DEDD2: variants seen among roughly 807,000 people sequenced by gnomAD.
DEDD2 encodes DNA-binding death effector domain-containing protein 2.
In DEDD2, 18 loss-of-function variants were observed where a neutral mutation model predicts 28.9. The observed-to-expected ratio is 0.62, with a 90% CI of 0.43 to 0.92. The LOEUF (loss-of-function observed/expected upper bound fraction) is 0.92, where lower values mean the gene tolerates loss of function less well. Ranked by LOEUF, DEDD2 falls within the 40% of genes least tolerant of loss-of-function variation. The probability of loss-of-function intolerance (pLI) is 0.00; values close to 1 mark genes in which losing one functional copy is unlikely to be tolerated. For synonymous variants in DEDD2, 211 were observed against 206.1 expected (o/e 1.02, Z -0.20); for missense variants, 411 against 463.3 (o/e 0.89, Z 1.04).
At chr19:42,209,898 T>C in intron 3 of DEDD2, 58 bp from the exon 4 acceptor site, 1 of 1,468,140 alleles carries the variant, frequency 6.8e-7, no homozygotes, top group Non-Finnish European at 9.0e-7. Context: ...AGTGCCCAGG[T>C]GTATGCCTGG....
At position 42,199,195 on chromosome 19, in the gene DEDD2, C is replaced by T; in HGVS notation, c.*243G>A. 1.7e-6 allele frequency: 1 copy of T among 583,122 alleles called. No individual in the cohort carries two copies. The highest frequency in any genetic ancestry group is 3.4e-5 in the Admixed American group (1 of 29,104). The allele number at this position is 583,122 out of a possible 1,614,324, so 36.1% of individuals were successfully genotyped here. ...TCTGAGATACAGGCCCAGCCCCCGC[C>T]TCCGGAGGCTAAGGGGGCACACCTG... On this transcript the variant is annotated 3_prime_UTR_variant, in exon 5 of 5. Transcript: ENST00000596251. This position sits in a 1 kb window ranked among gnomAD's most constrained non-coding sequence, Gnocchi z 7.4.
chr19:42,208,625 C>G (rs1386590365), intron 4 of DEDD2, among the ~76,000 whole-genome samples: 1 of 152,246 alleles, frequency 6.6e-6, no homozygotes, highest in Non-Finnish European at 1.5e-5. Context: ...ACTGTCATCC[C>G]TGCCGTGGCC....
intron 4 of DEDD2, among the ~76,000 whole-genome samples, chr19:42,202,454 G>C (rs776342304): frequency 1.3e-5 from 2 of 152,144 alleles, no homozygotes; most frequent in Admixed American, 6.5e-5. Context: ...TCCTCTCTCA[G>C]CTCGTCCTTC....
intron 3 of DEDD2, among the ~76,000 whole-genome samples, 197 bp downstream of exon 3, chr19:42,214,936 C>T (rs1251986332): frequency 6.6e-6 from 1 of 151,742 alleles, no homozygotes; most frequent in African/African-American, 2.4e-5. Context: ...GCCATTTAAA[C>T]GAAACACGAA....
At chr19:42,213,677 G>GA (rs971571078) in intron 3 of DEDD2, among the ~76,000 whole-genome samples, 2 of 151,888 alleles carry the variant, frequency 1.3e-5, no homozygotes, top group African/African-American at 4.8e-5. Context: ...ACTCCATCAG[G>GA]AAAAAAACAG....
chr19:42,213,772 G>T (rs1380095143), intron 3 of DEDD2, among the ~76,000 whole-genome samples: 1 of 151,966 alleles, frequency 6.6e-6, no homozygotes, highest in African/African-American at 2.4e-5. Flanking sequence ...AAAGAAAAAG[G>T]TATGGGGTGT....
At position 42,216,983 on chromosome 19, in the gene DEDD2, C is replaced by T. The variant is rs7257170; in HGVS notation, c.25G>A (p.Ala9Thr). 1.3e-6 allele frequency: 2 copies of T among 1,595,158 alleles called. No individual in the cohort carries two copies. The highest frequency in any genetic ancestry group is 8.5e-7 in the Non-Finnish European group (1 of 1,171,496). ...CACTCATCCTCCTCCCAGCACGGGG[C>T]CGGGGTCGACCCGGATAGCGCCATT... Reference protein sequence around the residue: MALSGSTPAPCWEEDECLD... With the variant: MALSGSTPTPCWEEDECLD... The change falls in exon 2 of 5, where the codon GCC becomes ACC. Residue 9 changes from alanine to threonine, a missense_variant. Around this residue, in one of 2 missense-constraint regions of DEDD2, gnomAD observed 282 missense variants for 273.4 expected, o/e 1.03. Transcript: ENST00000596251.
chr19:42,209,884 C>A (rs753624506), intron 3 of DEDD2, 44 bp from the exon 4 acceptor site: 15 of 1,487,928 alleles, frequency 1.0e-5, no homozygotes, highest in Non-Finnish European at 1.3e-5. Flanking sequence ...AGGATGACAG[C>A]TAGAGTGCCC....
At chr19:42,212,759 C>T (rs1441536711) in intron 3 of DEDD2, among the ~76,000 whole-genome samples, 1 of 152,086 alleles carries the variant, frequency 6.6e-6, no homozygotes, top group Non-Finnish European at 1.5e-5. Flanking sequence ...GCCACTGCAC[C>T]CGGCTAGGTT....
intron 4 of DEDD2, chr19:42,202,054 T>C (rs2035352478): frequency 2.5e-6 from 1 of 398,670 alleles, no homozygotes; most frequent in South Asian, 1.3e-4. Context: ...ACCTTACCTC[T>C]CTGAGCCTGT....
At chr19:42,211,235 A>G (rs2035748154) in intron 3 of DEDD2, among the ~76,000 whole-genome samples, 1 of 152,090 alleles carries the variant, frequency 6.6e-6, no homozygotes, top group Admixed American at 6.6e-5. Context: ...ATGTAAAAAA[A>G]TTAGCCGGGT....
At chr19:42,218,698 C>A (rs1164597759), upstream of DEDD2, among the ~76,000 whole-genome samples, 1 of 152,258 alleles carries the variant, frequency 6.6e-6, no homozygotes, top group Admixed American at 6.5e-5. Flanking sequence ...TCCTGCCTAG[C>A]ACTGGCCCAG....
At chr19:42,206,921 G>A (rs2035556256) in intron 4 of DEDD2, among the ~76,000 whole-genome samples, 1 of 152,166 alleles carries the variant, frequency 6.6e-6, no homozygotes, top group African/African-American at 2.4e-5. Context: ...CCTCACTCCA[G>A]CCCCACCCTG....
In DEDD2 at chr19:42,207,802, C is replaced by CCTT. The variant is rs370745184; in HGVS notation, c.589+1897_589+1898insAAG. 3.3e-3 allele frequency among the ~76,000 whole-genome samples: 497 copies of CCTT among 151,544 alleles called. 5 individuals are homozygous for CCTT. Among genetic ancestry groups the CCTT allele is most frequent in the African/African-American group, 0.012 (481 of 41,216 alleles). ...ACCACCCCCTAGAATAAAATCCAAA[C>CCTT]CAAGGCCCCCCACCTGCCTCATCTC... On this transcript the variant is annotated intron_variant, in intron 4 of 4. Coordinates refer to ENST00000596251, the MANE Select transcript of DEDD2 (RefSeq NM_133328.4).
At chr19:42,215,061 C>A (rs915334608) in intron 3 of DEDD2, 72 bp downstream of exon 3, 86 of 1,591,592 alleles carry the variant, frequency 5.4e-5, no homozygotes, top group Non-Finnish European at 7.1e-5. Context: ...ACCCCTCAGG[C>A]CCCTTCCTTG....
intron 3 of DEDD2, among the ~76,000 whole-genome samples, chr19:42,213,008 G>A (rs1038504696): frequency 1.3e-5 from 2 of 152,178 alleles, no homozygotes; most frequent in East Asian, 3.8e-4. Flanking sequence ...CCAGGTTTTG[G>A]TCTCTAAATA....
chr19:42,203,150 C>T (rs1220219063), intron 4 of DEDD2, among the ~76,000 whole-genome samples: 1 of 152,194 alleles, frequency 6.6e-6, no homozygotes, highest in Non-Finnish European at 1.5e-5. Context: ...TTTTACCTCA[C>T]GTGTATGGCT....
At chr19:42,202,392 G>A (rs1421297109) in intron 4 of DEDD2, among the ~76,000 whole-genome samples, 1 of 152,098 alleles carries the variant, frequency 6.6e-6, no homozygotes, top group East Asian at 1.9e-4. Context: ...CCTCCATCCA[G>A]AACATTTGCC....
intron 3 of DEDD2, chr19:42,212,039 A>G (rs2035787942): frequency 6.8e-6 from 1 of 146,452 alleles, no homozygotes. Context: ...CTCTTTCTCA[A>G]TAATAATAAT....
Sources: gnomAD v4.1 joint callset for allele counts (sites outside exome capture counted in the v4.1 genomes callset) on GRCh38, gnomAD v4.1.1 for gene constraint, gnomAD v4.1.1 regional missense constraint, Gnocchi (gnomAD v3.1) non-coding constraint, MANE v1.5 for transcripts, NCBI Gene and HGNC (gene_info 2026-07-23, HGNC 2026-07-21) for gene names.